Variants in NHEJ1 observed in about 807,000 individuals in gnomAD.
NHEJ1 encodes non-homologous end joining factor 1.
Under a neutral mutation model 39.4 loss-of-function variants are expected in NHEJ1, and 22 were observed. The observed-to-expected ratio is 0.56, with a 90% CI of 0.40 to 0.80. The LOEUF is 0.80. Ranked by LOEUF, NHEJ1 falls within the 30% of genes least tolerant of loss-of-function variation. The probability of loss-of-function intolerance (pLI) is 0.00; values close to 1 mark genes in which losing one functional copy is unlikely to be tolerated. For missense variants in NHEJ1, 329 were observed against 357.1 expected (o/e 0.92, Z 0.63); for synonymous variants, 154 against 135.6 (o/e 1.14, Z -0.94).
rs752041980 is a variant in NHEJ1 at position 219,070,497 on chromosome 2, C to A, written c.*5884G>T. Among the ~76,000 whole-genome samples the A allele has an allele frequency of 6.6e-6, 1 of 151,988 alleles. No individual in the cohort carries two copies. The highest frequency in any genetic ancestry group is 2.4e-5 in the African/African-American group (1 of 41,452). ...GTGAGCCACTGCGCCTGGCCCACCA[C>A]GCTAATTTTAAAAATGTTTTGCAAA... On this transcript the variant is annotated 3_prime_UTR_variant, in exon 8 of 8. Coordinates refer to ENST00000356853, the MANE Select transcript of NHEJ1 (RefSeq NM_024782.3).
chr2:219,081,429 C>T (rs1949066585), intron 5 of NHEJ1, among the ~76,000 whole-genome samples: 1 of 152,178 alleles, frequency 6.6e-6, no homozygotes. Flanking sequence ...ATGCGGGTCA[C>T]TGCCCAAAGT....
At chr2:219,119,583 G>A (rs539508963) in intron 5 of NHEJ1, among the ~76,000 whole-genome samples, 4 of 148,544 alleles carry the variant, frequency 2.7e-5, no homozygotes, top group South Asian at 2.1e-4. Context: ...AGTCCTCCCC[G>A]CCACCCTGCC....
intron 5 of NHEJ1, among the ~76,000 whole-genome samples, chr2:219,088,672 G>A (rs1559187986): frequency 6.6e-6 from 1 of 152,108 alleles, no homozygotes; most frequent in Non-Finnish European, 1.5e-5. Flanking sequence ...GATAACAGGG[G>A]GGTACTTTTG....
chr2:219,142,669 A>G lies in NHEJ1; in HGVS notation c.588+4011T>C, dbSNP rs148499693. Among the ~76,000 whole-genome samples the G allele has an allele frequency of 3.2e-3, 480 of 152,326 alleles. 4 individuals carry two copies. The highest frequency in any genetic ancestry group is 0.011 in the African/African-American group (455 of 41,550). On this transcript the variant is annotated intron_variant, in intron 5 of 7. Coordinates refer to ENST00000356853, the MANE Select transcript of NHEJ1 (RefSeq NM_024782.3). ...AGAGTGGGCTCTGCCCAGTCATCCTAAACTTCCTTTTTCATATAGTTCCTA... is the reference window on the plus strand; with the variant it reads ...AGAGTGGGCTCTGCCCAGTCATCCTGAACTTCCTTTTTCATATAGTTCCTA...
At position 219,075,314 on chromosome 2, in the gene NHEJ1, C is replaced by T. The variant is rs1033528601; in HGVS notation, c.*1067G>A. 1 of 152,016 alleles carries T rather than the reference C, an allele frequency of 6.6e-6. No individual in the cohort carries two copies. The highest frequency in any genetic ancestry group is 2.4e-5 in the African/African-American group (1 of 41,384). The allele number at this position is 152,016 out of a possible 1,614,324, so 9.4% of individuals were successfully genotyped here. A position where few individuals can be genotyped will look rare whatever the true frequency, so the allele number is the denominator to read the frequency against. On this transcript the variant is annotated 3_prime_UTR_variant, in exon 8 of 8. Transcript: ENST00000356853. ...ACATTAACTGCTCAATAAATGTTAG[C>T]TATTTATTATTGTTGTTCTTATTAT...
At chr2:219,145,017 C>T (rs1949722545) in intron 5 of NHEJ1, among the ~76,000 whole-genome samples, 1 of 152,114 alleles carries the variant, frequency 6.6e-6, no homozygotes, top group African/African-American at 2.4e-5. Flanking sequence ...GAGTTCAAGA[C>T]CAGCCTGATC....
intron 5 of NHEJ1, among the ~76,000 whole-genome samples, chr2:219,088,983 T>C (rs781641498): frequency 2.1e-4 from 32 of 152,202 alleles, no homozygotes; most frequent in Non-Finnish European, 3.5e-4. Flanking sequence ...TGGCTAATTT[T>C]TTCTTTTTGT....
rs779367826 is a variant in NHEJ1 at position 219,111,385 on chromosome 2, A to G, written c.589-33179T>C. Among the ~76,000 whole-genome samples, 2 of 152,160 alleles carry G rather than the reference A, an allele frequency of 1.3e-5. No homozygotes were observed. Among genetic ancestry groups the G allele is most frequent in the Non-Finnish European group, 2.9e-5 (2 of 68,022 alleles). The stretch of plus-strand genomic sequence containing the variant: ...TTTTAAAAGAGGGGACCAGCTCTCA[A>G]ATCCTGCATTCTAGAAACTCTCCTA... On this transcript the variant is annotated intron_variant, in intron 5 of 7. Transcript: ENST00000356853. This position sits in a 1 kb window ranked among gnomAD's most constrained non-coding sequence, Gnocchi z 4.1.
rs1305015533 is a variant in NHEJ1 at position 219,072,298 on chromosome 2, CT to C, written c.*4082del. ...CCTCCTATAAAGTATGGGCTTCCTT[CT>C]CTTCCTGCATTCCCCTCTGTATCTA... On this transcript the variant is annotated 3_prime_UTR_variant, in exon 8 of 8. Transcript: ENST00000356853. 6.6e-6 allele frequency among the ~76,000 whole-genome samples: 1 copy of C among 152,202 alleles called. No homozygotes were observed. Among genetic ancestry groups the C allele is most frequent in the East Asian group, 1.9e-4 (1 of 5,188 alleles).
chr2:219,084,754 C>A (rs1949096958), intron 5 of NHEJ1, among the ~76,000 whole-genome samples: 1 of 152,122 alleles, frequency 6.6e-6, no homozygotes, highest in Non-Finnish European at 1.5e-5. Context: ...CCAAAATAGC[C>A]CCTGCTTCTC....
chr2:219,085,836 C>G (rs1313955817), intron 5 of NHEJ1, among the ~76,000 whole-genome samples: 1 of 151,726 alleles, frequency 6.6e-6, no homozygotes, highest in Non-Finnish European at 1.5e-5. Flanking sequence ...TTTGTGGCCT[C>G]CCTTCAAAAT....
In NHEJ1 at chr2:219,157,561, C is replaced by G; in HGVS notation, c.301G>C (p.Ala101Pro). The G allele has an allele frequency of 6.2e-7, 1 of 1,614,196 alleles. No homozygotes were observed. Among genetic ancestry groups the G allele is most frequent in the South Asian group, 1.1e-5 (1 of 91,082 alleles). The change falls in exon 3 of 8, where the codon GCA becomes CCA. Residue 101 changes from alanine to proline, a missense_variant. Transcript: ENST00000356853. ...SEATFSCDCV[A>P]DALILRVRSE... ...CGCACCCGTAGAATCAGTGCATCTG[C>G]CACACAATCACAGGAGAAGGTAGCT...
Position 219,077,650 on chromosome 2 carries a change from A to AT in NHEJ1, c.707-287dup, listed in dbSNP as rs55769287. ...TCACATGTCTCAGGTATGGAGATTA[A>AT]TTTTTTTTTTTTTTAAAGAGATGAG... On this transcript the variant is annotated intron_variant, in intron 6 of 7. Transcript: ENST00000356853. Among the ~76,000 whole-genome samples, 18,623 of 146,092 alleles carry AT rather than the reference A, an allele frequency of 0.13. 1,266 individuals carry two copies. The highest frequency in any genetic ancestry group is 0.2 in the African/African-American group (7,804 of 39,996).
chr2:219,112,398 C>G (rs530666417), intron 5 of NHEJ1, among the ~76,000 whole-genome samples: 1 of 152,222 alleles, frequency 6.6e-6, no homozygotes, highest in East Asian at 1.9e-4. Flanking sequence ...ATAAATATCA[C>G]GCATATATAA....
intron 5 of NHEJ1, among the ~76,000 whole-genome samples, chr2:219,140,384 C>G (rs561468615): frequency 3.7e-4 from 57 of 152,324 alleles, no homozygotes; most frequent in African/African-American, 1.3e-3. Context: ...AATAAGATAG[C>G]TTTGTTGATA....
intron 5 of NHEJ1, among the ~76,000 whole-genome samples, chr2:219,080,481 C>G (rs185510308): frequency 6.6e-6 from 1 of 150,446 alleles, no homozygotes; most frequent in Non-Finnish European, 1.5e-5. Context: ...GCTGAGATTG[C>G]GCCACTGCAC....
intron 3 of NHEJ1, among the ~76,000 whole-genome samples, chr2:219,150,844 T>C (rs1255038316): frequency 2.0e-5 from 3 of 151,780 alleles, no homozygotes; most frequent in Non-Finnish European, 4.4e-5. Flanking sequence ...TAATTCCAGC[T>C]ACTCGGGAGG....
chr2:219,070,001 T>C lies in NHEJ1; in HGVS notation c.*6380A>G, dbSNP rs1331480078. 6.6e-6 allele frequency among the ~76,000 whole-genome samples: 1 copy of C among 152,174 alleles called. No individual in the cohort carries two copies. The highest frequency in any genetic ancestry group is 1.5e-5 in the Non-Finnish European group (1 of 68,010). ...CACATTCAACAAGAAACAGGAATCA[T>C]TAAACATGCATTAACTCAAATTATA... On this transcript the variant is annotated 3_prime_UTR_variant, in exon 8 of 8. Coordinates refer to ENST00000356853, the MANE Select transcript of NHEJ1 (RefSeq NM_024782.3).
At chr2:219,095,180 C>A in intron 5 of NHEJ1, 1 of 421,850 alleles carries the variant, frequency 2.4e-6, no homozygotes, top group Admixed American at 2.8e-5. Flanking sequence ...CAGCTTTCTT[C>A]CTTTCCCACT....
Sources: gnomAD v4.1 joint callset for allele counts (sites outside exome capture counted in the v4.1 genomes callset) on GRCh38, gnomAD v4.1.1 for gene constraint, Gnocchi (gnomAD v3.1) non-coding constraint, MANE v1.5 for transcripts, NCBI Gene and HGNC (gene_info 2026-07-23, HGNC 2026-07-21) for gene names.